The following ITPK1 variants were observed in gnomAD, a reference collection of about 807,000 sequenced individuals.
The protein encoded by ITPK1 is inositol 1,3,4-trisphosphate 5/6-kinase.
A neutral mutation model predicts 45.3 loss-of-function variants in ITPK1; 21 were observed. That is an observed-to-expected ratio of 0.46 (90% CI 0.33 to 0.67). ITPK1 has a LOEUF of 0.67. Ranked by LOEUF, ITPK1 falls within the 30% of genes least tolerant of loss-of-function variation. The probability of loss-of-function intolerance (pLI) is 0.02; values close to 1 mark genes in which losing one functional copy is unlikely to be tolerated. For missense variants in ITPK1, 474 were observed against 573.5 expected, an observed-to-expected ratio of 0.83 and a Z score of 1.77; for synonymous variants, 258 against 253.6, an observed-to-expected ratio of 1.02 and a Z score of -0.16.
At chr14:92,968,992 C>T (rs1885516018) in intron 5 of ITPK1, among the ~76,000 whole-genome samples, 1 of 152,200 alleles carries the variant, frequency 6.6e-6, no homozygotes, top group Non-Finnish European at 1.5e-5. Flanking sequence ...GCATCCCGAG[C>T]TGCCCCCGCT....
Position 93,016,536 on chromosome 14 carries a change from TC to T in ITPK1, c.246+139del, listed in dbSNP as rs1262761766. On this transcript the variant is annotated intron_variant, in intron 4 of 10. Coordinates refer to ENST00000267615, the MANE Select transcript of ITPK1 (RefSeq NM_014216.6). This position sits in a 1 kb window ranked among gnomAD's most constrained non-coding sequence, Gnocchi z 5.0. The stretch of plus-strand genomic sequence containing the variant: ...AGAAGTACCTGCCCACGAGCCCATG[TC>T]TTGCCAGTGGCAGAGCCATTTCTCC... The T allele has an allele frequency of 1.1e-6, 1 of 946,896 alleles. No homozygotes were observed. The highest frequency in any genetic ancestry group is 2.5e-5 in the East Asian group (1 of 40,116). 58.7% of individuals were successfully genotyped at this position (946,896 alleles called of 1,614,324 possible).
chr14:93,005,063 T>C (rs1887545624), intron 4 of ITPK1, among the ~76,000 whole-genome samples: 1 of 151,770 alleles, frequency 6.6e-6, no homozygotes, highest in African/African-American at 2.4e-5. Context: ...AACAGGGTCC[T>C]GAGCTGGGAA....
intron 2 of ITPK1, among the ~76,000 whole-genome samples, chr14:93,087,012 T>C (rs1172220874): frequency 2.0e-5 from 3 of 152,202 alleles, no homozygotes; most frequent in Admixed American, 6.5e-5. Context: ...CAGTCACAGA[T>C]TCACCCACAA....
chr14:93,027,925 G>A (rs1251850156), intron 3 of ITPK1, among the ~76,000 whole-genome samples: 1 of 152,208 alleles, frequency 6.6e-6, no homozygotes, highest in Non-Finnish European at 1.5e-5. Flanking sequence ...TGAGGCTTCA[G>A]TACTTTCCAA....
chr14:93,029,282 C>G (rs1195769613), intron 3 of ITPK1, among the ~76,000 whole-genome samples: 1 of 152,134 alleles, frequency 6.6e-6, no homozygotes, highest in Non-Finnish European at 1.5e-5. Context: ...ACACCTCACA[C>G]TGCCCGCCCC....
intron 5 of ITPK1, among the ~76,000 whole-genome samples, chr14:92,972,275 G>A (rs1023212556): frequency 2.0e-5 from 3 of 152,168 alleles, no homozygotes; most frequent in African/African-American, 2.4e-5. Context: ...GCCTGAGAAC[G>A]GGACTGCACT....
Position 92,993,962 on chromosome 14 carries a change from C to T in ITPK1, c.282G>A (p.Leu94=). 3.7e-6 allele frequency: 6 copies of T among 1,613,960 alleles called. No individual in the cohort carries two copies. The highest frequency in any genetic ancestry group is 5.1e-6 in the Non-Finnish European group (6 of 1,179,890). The change falls in exon 5 of 11, where the codon CTG becomes CTA. Residue 94 remains leucine, a synonymous_variant. Transcript: ENST00000267615. ...YIDAHPETIV[L]DPLPAIRTLL... ...GGGTTCTGATGGCAGGGAGCGGGTC[C>T]AGGACGATGGTCTCAGGGTGGGCAT...
In ITPK1 at chr14:92,938,595, G is replaced by C; in HGVS notation, c.*2966C>G. 3 of 1,328,528 alleles carry C rather than the reference G, an allele frequency of 2.3e-6. No homozygotes were observed. The highest frequency in any genetic ancestry group is 3.2e-6 in the Non-Finnish European group (3 of 927,188). 82.3% of individuals were successfully genotyped at this position (1,328,528 alleles called of 1,614,324 possible). On this transcript the variant is annotated 3_prime_UTR_variant, in exon 11 of 11. Transcript: ENST00000267615. Reference sequence around the variant, plus strand: ...TATTGACAGGCATGAGACACAGGCAGGCCCAGGCACAGGAAGCCCCATGGA... The same window carrying C: ...TATTGACAGGCATGAGACACAGGCACGCCCAGGCACAGGAAGCCCCATGGA...
Position 92,940,519 on chromosome 14 carries a change from C to G in ITPK1, c.*1042G>C, listed in dbSNP as rs914351845. 5 of 1,164,972 alleles carry G rather than the reference C, an allele frequency of 4.3e-6. No homozygotes were observed. Among genetic ancestry groups the G allele is most frequent in the African/African-American group, 3.3e-5 (2 of 61,364 alleles). 72.2% of individuals were successfully genotyped at this position (1,164,972 alleles called of 1,614,324 possible). A position where few individuals can be genotyped will look rare whatever the true frequency, so the allele number is the denominator to read the frequency against. ...TGCAATGAGAGGTGGACCAGGCCTG[C>G]TGGGTGAGGAGGGACCCAGCAGGTG... is the stretch of plus-strand genomic sequence containing the variant. On this transcript the variant is annotated 3_prime_UTR_variant, in exon 11 of 11. Coordinates refer to ENST00000267615, the MANE Select transcript of ITPK1 (RefSeq NM_014216.6).
At chr14:93,096,144 TCCGGCTCCCTCCTGTGCCCCTGGGG>T (rs1193495237) in intron 2 of ITPK1, among the ~76,000 whole-genome samples, 1 of 152,058 alleles carries the variant, frequency 6.6e-6, no homozygotes, top group African/African-American at 2.4e-5. Flanking sequence ...CACACCAAGC[TCCGGCTCCCTCCTGTGCCCCTGGGG>T]CCTCTGCACT....
At chr14:93,079,714 A>G (rs1214225609) in intron 2 of ITPK1, among the ~76,000 whole-genome samples, 1 of 152,236 alleles carries the variant, frequency 6.6e-6, no homozygotes, top group Non-Finnish European at 1.5e-5. Context: ...AAAGGCACCA[A>G]CAACCTCGAT....
chr14:93,024,198 G>T (rs898976715), intron 3 of ITPK1, among the ~76,000 whole-genome samples: 1 of 152,184 alleles, frequency 6.6e-6, no homozygotes, highest in African/African-American at 2.4e-5. Flanking sequence ...GCCAGGCCTG[G>T]AGGAAGGAAC....
chr14:93,098,485 G>A (rs778174974), intron 2 of ITPK1, among the ~76,000 whole-genome samples: 10 of 151,534 alleles, frequency 6.6e-5, no homozygotes, highest in Non-Finnish European at 1.3e-4. Flanking sequence ...AAAATTAGCC[G>A]GGCGTGGTGG....
chr14:92,947,281 A>T (rs530160931), intron 9 of ITPK1, among the ~76,000 whole-genome samples: 8 of 152,348 alleles, frequency 5.3e-5, no homozygotes, highest in Admixed American at 2.6e-4. Flanking sequence ...GTCCAAGCTC[A>T]GCTTTCCTCA....
At chr14:92,990,731 G>A (rs1886737856) in intron 5 of ITPK1, among the ~76,000 whole-genome samples, 1 of 152,188 alleles carries the variant, frequency 6.6e-6, no homozygotes, top group Non-Finnish European at 1.5e-5. Flanking sequence ...TGGGGTGGGA[G>A]AGGCCCTCCA....
Position 93,012,613 on chromosome 14 carries a change from C to G in ITPK1, c.246+4063G>C, listed in dbSNP as rs1037747261. ...CACTTTAGGGGCCGTGAGGTCAGTT[C>G]TGGGTCTGCCTGCTGGCCTCTCCTC... On this transcript the variant is annotated intron_variant, in intron 4 of 10. Coordinates refer to ENST00000267615, the MANE Select transcript of ITPK1 (RefSeq NM_014216.6). This position sits in a 1 kb window ranked among gnomAD's most constrained non-coding sequence, Gnocchi z 4.9. Among the ~76,000 whole-genome samples the G allele has an allele frequency of 1.3e-5, 2 of 152,204 alleles. No individual in the cohort carries two copies. The highest frequency in any genetic ancestry group is 4.8e-5 in the African/African-American group (2 of 41,456).
intron 2 of ITPK1, among the ~76,000 whole-genome samples, chr14:93,098,178 C>A (rs189266990): frequency 6.6e-5 from 10 of 151,882 alleles, no homozygotes; most frequent in Admixed American, 5.2e-4. Flanking sequence ...AATTAATGGC[C>A]GGGTGCGGTG....
Position 92,938,633 on chromosome 14 carries a change from G to T in ITPK1, c.*2928C>A, listed in dbSNP as rs1271853545. ...GAAGCCCCATGGAACCTGCCAGGTT[G>T]CAGCTGGGTCCAATCCCGCCGGCCA... On this transcript the variant is annotated 3_prime_UTR_variant, in exon 11 of 11. Coordinates refer to ENST00000267615, the MANE Select transcript of ITPK1 (RefSeq NM_014216.6). 4.3e-6 allele frequency: 4 copies of T among 928,540 alleles called. No individual in the cohort carries two copies. The highest frequency in any genetic ancestry group is 5.1e-5 in the East Asian group (2 of 38,946). 57.5% of individuals were successfully genotyped at this position (928,540 alleles called of 1,614,324 possible).
intron 3 of ITPK1, among the ~76,000 whole-genome samples, chr14:93,044,974 G>A (rs1201523439): frequency 6.6e-6 from 1 of 152,218 alleles, no homozygotes; most frequent in African/African-American, 2.4e-5. Context: ...AGGGCTCTAG[G>A]ATCTGTCAGA....
Sources: allele counts gnomAD v4.1 joint callset (sites outside exome capture counted in the v4.1 genomes callset), GRCh38; gene constraint gnomAD v4.1.1; non-coding constraint Gnocchi (gnomAD v3.1); transcripts MANE v1.5; gene names NCBI Gene and HGNC (gene_info 2026-07-23, HGNC 2026-07-21).